PPP1R9A: variants seen among roughly 807,000 people sequenced by gnomAD.
The protein encoded by PPP1R9A is protein phosphatase 1 regulatory subunit 9A.
A neutral mutation model predicts 141.9 loss-of-function variants in PPP1R9A; 59 were observed. The ratio of observed to expected loss-of-function variants is 0.42; its 90% confidence interval spans 0.34 to 0.52. PPP1R9A has a LOEUF of 0.52. Among genes scored for constraint, PPP1R9A ranks in the 20% least tolerant of loss-of-function variants. PPP1R9A has a pLI of 0.10. For missense variants in PPP1R9A, 1,444 were observed against 1,611.9 expected (o/e 0.90, Z 1.78); for synonymous variants, 500 against 569.7 (o/e 0.88, Z 1.74).
At chr7:95,194,004 C>T (rs1422941108) in intron 5 of PPP1R9A, among the ~76,000 whole-genome samples, 1 of 151,980 alleles carries the variant, frequency 6.6e-6, no homozygotes, top group African/African-American at 2.4e-5. Context: ...TTACCTTGAG[C>T]TTGGCTGCTG....
rs1465753911 is a variant in PPP1R9A at position 95,288,707 on chromosome 7, A to G, written c.3901A>G (p.Asn1301Asp). Residue 1301 changes from asparagine to aspartate, a missense_variant, in exon 19 of 20, where the codon AAT becomes GAT. Asn to Asp is a conservative substitution (Grantham distance 23). Coordinates refer to ENST00000433360, the MANE Select transcript of PPP1R9A (RefSeq NM_001166160.2). ...TGEQLLQLDG[N>D]KLKALGMTAS... ...AGAACAGCTCCTGCAGTTGGATGGA[A>G]ATAAACTTAAGGTAAAGAATTATAT... The G allele has an allele frequency of 6.2e-7, 1 of 1,613,714 alleles. No individual in the cohort carries two copies. Among genetic ancestry groups the G allele is most frequent in the African/African-American group, 1.3e-5 (1 of 74,910 alleles).
chr7:95,251,948 G>A lies in PPP1R9A; in HGVS notation c.2494-11G>A. On this transcript the variant is annotated splice_polypyrimidine_tract_variant and intron_variant, in intron 11 of 19. Transcript: ENST00000433360. ...AGTTTAGAGTTTTATAAATGGATTT[G>A]TTTTTCCTAGATTAGAGATTTGGAA... 6.2e-7 allele frequency: 1 copy of A among 1,605,284 alleles called. No individual in the cohort carries two copies. The highest frequency in any genetic ancestry group is 8.5e-7 in the Non-Finnish European group (1 of 1,177,562).
At chr7:95,250,375 G>T (rs1798705185) in intron 10 of PPP1R9A, 120 bp downstream of exon 10, 4 of 857,068 alleles carry the variant, frequency 4.7e-6, no homozygotes, top group Non-Finnish European at 5.2e-6. Context: ...TTCCTATCCA[G>T]GAGCATAGTT....
At chr7:94,962,688 G>T (rs1450948821) in intron 2 of PPP1R9A, among the ~76,000 whole-genome samples, 1 of 152,072 alleles carries the variant, frequency 6.6e-6, no homozygotes, top group African/African-American at 2.4e-5. Context: ...TTGAAATGAT[G>T]TATGTGTAAT....
At chr7:94,924,714 G>A (rs1220978313) in intron 2 of PPP1R9A, among the ~76,000 whole-genome samples, 1 of 151,956 alleles carries the variant, frequency 6.6e-6, no homozygotes, top group Non-Finnish European at 1.5e-5. Flanking sequence ...TTTTTTCGTA[G>A]AGACGGGGTT....
intron 2 of PPP1R9A, among the ~76,000 whole-genome samples, chr7:94,972,684 A>G (rs1410262266): frequency 6.6e-6 from 1 of 152,088 alleles, no homozygotes; most frequent in Non-Finnish European, 1.5e-5. Context: ...AAGAGAATGA[A>G]TGGCCGATTA....
At chr7:95,278,853 A>G (rs1280358563) in intron 16 of PPP1R9A, among the ~76,000 whole-genome samples, 1 of 152,154 alleles carries the variant, frequency 6.6e-6, no homozygotes, top group Non-Finnish European at 1.5e-5. Context: ...TCTGCCACTT[A>G]CTTCTTGGAC....
chr7:94,966,007 T>C (rs1259296161), intron 2 of PPP1R9A, among the ~76,000 whole-genome samples: 2 of 152,202 alleles, frequency 1.3e-5, no homozygotes, highest in African/African-American at 2.4e-5. Context: ...GAGCAGTGGT[T>C]TGTAGTTCTC....
chr7:95,057,018 C>G (rs1311695974), intron 2 of PPP1R9A, among the ~76,000 whole-genome samples: 1 of 152,074 alleles, frequency 6.6e-6, no homozygotes, highest in Non-Finnish European at 1.5e-5. Context: ...ATTTTGATCT[C>G]TCTCTCCATG....
At chr7:95,096,030 A>G (rs1364000067) in intron 2 of PPP1R9A, among the ~76,000 whole-genome samples, 1 of 152,264 alleles carries the variant, frequency 6.6e-6, no homozygotes, top group East Asian at 1.9e-4. Context: ...TTAAACCTCT[A>G]TCAGCATTTG....
chr7:95,221,368 G>A (rs568743308), intron 7 of PPP1R9A, among the ~76,000 whole-genome samples: 2 of 152,144 alleles, frequency 1.3e-5, no homozygotes, highest in South Asian at 2.1e-4. Context: ...ACAGTTCTAC[G>A]TGACTTCAAA....
intron 2 of PPP1R9A, among the ~76,000 whole-genome samples, chr7:94,935,094 T>C (rs1313344435): frequency 2.0e-5 from 3 of 152,164 alleles, no homozygotes; most frequent in Non-Finnish European, 4.4e-5. Context: ...ATTAGTGCAG[T>C]GGTTTGAACT....
Position 95,265,415 on chromosome 7 carries a change from G to A in PPP1R9A, c.2666-3135G>A, listed in dbSNP as rs1159012514. Among the ~76,000 whole-genome samples, 3 of 152,032 alleles carry A rather than the reference G, an allele frequency of 2.0e-5. No homozygotes were observed. In the East Asian group the frequency reaches 5.8e-4, roughly 29 times the overall value. ...GTTTTCTTATATGAGAAATAAGCTGGGACCAGAATCCCAAGGTTATTTTGA... is the reference window on the plus strand; with the variant it reads ...GTTTTCTTATATGAGAAATAAGCTGAGACCAGAATCCCAAGGTTATTTTGA... On this transcript the variant is annotated intron_variant, in intron 12 of 19. Transcript: ENST00000433360.
chr7:95,112,844 T>G lies in PPP1R9A; in HGVS notation c.1528+1453T>G, dbSNP rs115521718. On this transcript the variant is annotated intron_variant, in intron 3 of 19. Coordinates refer to ENST00000433360, the MANE Select transcript of PPP1R9A (RefSeq NM_001166160.2). ...GAAACACAGAGTTATTTGCTGCATG[T>G]TCTCACTTATAAGTGAGAGCTAAAC... Among the ~76,000 whole-genome samples, 1,356 of 152,266 alleles carry G rather than the reference T, an allele frequency of 8.9e-3. 20 individuals carry two copies. Among genetic ancestry groups the G allele is most frequent in the African/African-American group, 0.03 (1,248 of 41,554 alleles).
chr7:95,282,163 TC>T (rs200572894), intron 16 of PPP1R9A, among the ~76,000 whole-genome samples: 17,481 of 151,782 alleles, frequency 0.12, 1,346 homozygotes, highest in African/African-American at 0.21. Flanking sequence ...AACCCCTATC[TC>T]TACAAAAAAT....
chr7:95,288,943 A>G (rs537048301), intron 19 of PPP1R9A, among the ~76,000 whole-genome samples: 1 of 152,174 alleles, frequency 6.6e-6, no homozygotes, highest in Non-Finnish European at 1.5e-5. Flanking sequence ...AGAGTGAGGG[A>G]CCCACTCCAT....
Position 94,977,520 on chromosome 7 carries a change from G to A in PPP1R9A, c.1395+66012G>A, listed in dbSNP as rs563475096. Among the ~76,000 whole-genome samples, 62 of 152,272 alleles carry A rather than the reference G, an allele frequency of 4.1e-4. No individual in the cohort carries two copies. The Middle Eastern group carries it at 0.01, about 25-fold the overall frequency. On this transcript the variant is annotated intron_variant, in intron 2 of 19. Coordinates refer to ENST00000433360, the MANE Select transcript of PPP1R9A (RefSeq NM_001166160.2). ...AAGACATTGGTAATCTTTGAATGGA[G>A]TCATTTTCATGGAGAGGTGGGACAA...
intron 2 of PPP1R9A, among the ~76,000 whole-genome samples, chr7:94,922,371 T>C (rs1167910600): frequency 6.6e-6 from 1 of 152,032 alleles, no homozygotes; most frequent in Non-Finnish European, 1.5e-5. Flanking sequence ...ATTGTTGAGA[T>C]TGAAGATTTT....
chr7:95,158,628 A>G (rs1202985026), intron 4 of PPP1R9A, among the ~76,000 whole-genome samples: 2 of 152,246 alleles, frequency 1.3e-5, no homozygotes, highest in South Asian at 2.1e-4. Context: ...CTAAACCACC[A>G]TGTTTCAAAG....
Sources: gnomAD v4.1 joint callset for allele counts (sites outside exome capture counted in the v4.1 genomes callset) on GRCh38, gnomAD v4.1.1 for gene constraint, MANE v1.5 for transcripts, NCBI Gene and HGNC (gene_info 2026-07-23, HGNC 2026-07-21) for gene names.